WNT9B: variants seen among roughly 807,000 people sequenced by gnomAD.
The protein encoded by WNT9B is protein Wnt-9b.
In WNT9B, 12 loss-of-function variants were observed where a neutral mutation model predicts 30.2. That is an observed-to-expected ratio of 0.40 (90% CI 0.26 to 0.64). WNT9B has a LOEUF of 0.64. WNT9B is among the 30% of genes least tolerant of loss of function. The pLI is 0.42. For missense variants in WNT9B, 442 were observed against 485.2 expected, an observed-to-expected ratio of 0.91 and a Z score of 0.84; for synonymous variants, 218 against 216.9, an observed-to-expected ratio of 1.01 and a Z score of -0.05.
chr17:46,884,054 C>A (rs2085459441), downstream of WNT9B, among the ~76,000 whole-genome samples: 6 of 152,262 alleles, frequency 3.9e-5, no homozygotes, highest in South Asian at 1.0e-3. Context: ...CGGGCAGAGG[C>A]ACGGGAGAAC....
rs116860651 is a variant in WNT9B, at chr17:46,878,667, G to A, written c.*1949G>A. On this transcript the variant is annotated 3_prime_UTR_variant, in exon 4 of 4. Coordinates refer to ENST00000290015, the MANE Select transcript of WNT9B (RefSeq NM_003396.3). Reference sequence around the variant, plus strand: ...AGACCCCAACTCTGCCTCCACCCAGGCTCAGTGCTGGGCGTAAGGCAGCAG... The same window carrying A: ...AGACCCCAACTCTGCCTCCACCCAGACTCAGTGCTGGGCGTAAGGCAGCAG... Among the ~76,000 whole-genome samples, 387 of 152,188 alleles carry A rather than the reference G, an allele frequency of 2.5e-3. No individual in the cohort carries two copies. Among genetic ancestry groups the A allele is most frequent in the Non-Finnish European group, 4.2e-3 (284 of 68,018 alleles).
At chr17:46,884,907 A>G, downstream of WNT9B, 1 of 339,248 alleles carries the variant, frequency 2.9e-6, no homozygotes, top group Middle Eastern at 5.5e-4. Flanking sequence ...TGGTTCAAAT[A>G]TCTCCAGTGA....
At chr17:46,856,520 T>G (rs1198806223) in intron 1 of WNT9B, among the ~76,000 whole-genome samples, 1 of 151,746 alleles carries the variant, frequency 6.6e-6, no homozygotes, top group Non-Finnish European at 1.5e-5. Flanking sequence ...AGTCTCACTA[T>G]GTCGCCCAGG....
In WNT9B at chr17:46,851,724, C is replaced by G; in HGVS notation, c.77+9C>G. 1.6e-6 allele frequency: 2 copies of G among 1,273,578 alleles called. No individual in the cohort carries two copies. Among genetic ancestry groups the G allele is most frequent in the Non-Finnish European group, 2.0e-6 (2 of 1,011,924 alleles). 78.9% of individuals were successfully genotyped at this position (1,273,578 alleles called of 1,614,324 possible). ...GCCGCCTCCTACTTCGGGTCAGTGC[C>G]CGCCGCGCCCCCCGCCCGCTCCCCG... On this transcript the variant is annotated intron_variant, in intron 1 of 3. Coordinates refer to ENST00000290015, the MANE Select transcript of WNT9B (RefSeq NM_003396.3). This position sits in a 1 kb window ranked among gnomAD's most constrained non-coding sequence, Gnocchi z 4.3.
rs1258557774 is a variant in WNT9B, at chr17:46,876,534, C to T, written c.890C>T (p.Ser297Leu). The change falls in exon 4 of 4, where the codon TCA becomes TTA. Residue 297 changes from serine (S) to leucine (L), a missense_variant. Ser to Leu is a moderately radical substitution (Grantham distance 145). Transcript: ENST00000290015. ...SPSFCRPSKY[S>L]PGTAGRVCSR... ...AGCTTCTGCCGGCCCAGCAAGTACTCACCTGGCACAGCAGGTAGGGTGTGC... is the reference window on the plus strand; with the variant it reads ...AGCTTCTGCCGGCCCAGCAAGTACTTACCTGGCACAGCAGGTAGGGTGTGC... The T allele has an allele frequency of 6.2e-7, 1 of 1,613,544 alleles. No individual in the cohort carries two copies. Among genetic ancestry groups the T allele is most frequent in the African/African-American group, 1.3e-5 (1 of 74,944 alleles).
chr17:46,853,363 CTTTT>C (rs35252647), intron 1 of WNT9B, among the ~76,000 whole-genome samples: 3 of 78,904 alleles, frequency 3.8e-5, no homozygotes, highest in Non-Finnish European at 6.7e-5. Flanking sequence ...ATGCTAGTGA[CTTTT>C]TTTTTTTTTT....
At chr17:46,876,219 A>C (rs1285513322) in intron 3 of WNT9B, 26 bp from the exon 4 acceptor site, 2 of 1,572,008 alleles carry the variant, frequency 1.3e-6, no homozygotes, top group African/African-American at 2.7e-5. Context: ...GCCTCTGACC[A>C]CGCCTCTGTT....
intron 1 of WNT9B, among the ~76,000 whole-genome samples, chr17:46,842,491 C>T (rs932829637): frequency 2.6e-5 from 4 of 152,216 alleles, no homozygotes; most frequent in African/African-American, 9.6e-5. Flanking sequence ...CCTCCTGCCT[C>T]AGCCTCCCGA....
chr17:46,848,249 G>C (rs541472310), upstream of WNT9B, among the ~76,000 whole-genome samples: 1 of 152,312 alleles, frequency 6.6e-6, no homozygotes, highest in African/African-American at 2.4e-5. Context: ...CATGGAGCCC[G>C]TGTCCGAGCC....
intron 1 of WNT9B, among the ~76,000 whole-genome samples, chr17:46,871,566 C>T (rs759037350): frequency 6.6e-6 from 1 of 152,164 alleles, no homozygotes; most frequent in Non-Finnish European, 1.5e-5. Context: ...GGAAGGTAGG[C>T]CTGCTTGTCC....
rs564873540 is a variant in WNT9B, at chr17:46,856,035, A to G, written c.77+4320A>G. Among the ~76,000 whole-genome samples, 11 of 152,250 alleles carry G rather than the reference A, an allele frequency of 7.2e-5. No individual in the cohort carries two copies. In the South Asian group the frequency reaches 2.3e-3, roughly 32 times the overall value. On this transcript the variant is annotated intron_variant, in intron 1 of 3. Transcript: ENST00000290015. ...TCCGAGTGGCTTTGTAACTAGAAAT[A>G]GTTTCTGTGGATGCAAGTTTTTAAA...
At chr17:46,886,649 C>T (rs1003287745) in exon 5 of WNT9B, 1 of 152,182 alleles carries the variant, frequency 6.6e-6, no homozygotes, top group Non-Finnish European at 1.5e-5. Context: ...GATCATGTTG[C>T]TGGTTGGAGT....
intron 1 of WNT9B, among the ~76,000 whole-genome samples, chr17:46,863,090 G>T (rs76091224): frequency 6.8e-6 from 1 of 147,584 alleles, no homozygotes; most frequent in Non-Finnish European, 1.5e-5. Context: ...GAGAGCATAC[G>T]CCAGCAATCA....
Position 46,844,622 on chromosome 17 carries a change from C to T in WNT9B, c.95+11182C>T, listed in dbSNP as rs76286101. 5.3e-3 allele frequency among the ~76,000 whole-genome samples: 801 copies of T among 152,264 alleles called. 13 individuals carry two copies. The highest frequency in any genetic ancestry group is 0.018 in the African/African-American group (747 of 41,536). The stretch of plus-strand genomic sequence containing the variant: ...GGCACCTATGAACTTCAAGATGGGA[C>T]CCCTTTCCTCTCGTCCTTCTTTTTA... On this transcript the variant is annotated intron_variant, in intron 1 of 2. Coordinates refer to the WNT9B transcript ENST00000575372.
intron 1 of WNT9B, among the ~76,000 whole-genome samples, chr17:46,842,423 G>A (rs2084726828): frequency 6.6e-6 from 1 of 152,176 alleles, no homozygotes; most frequent in Non-Finnish European, 1.5e-5. Context: ...CGCCCAGGCT[G>A]GAGTGCAGTG....
chr17:46,873,100 A>G (rs1293780560), intron 2 of WNT9B, among the ~76,000 whole-genome samples: 1 of 147,946 alleles, frequency 6.8e-6, no homozygotes, highest in African/African-American at 2.5e-5. Flanking sequence ...ACACACACAC[A>G]CACACACACA....
At chr17:46,845,517 T>C (rs1303924332) in intron 1 of WNT9B, among the ~76,000 whole-genome samples, 2 of 132,636 alleles carry the variant, frequency 1.5e-5, no homozygotes, top group Non-Finnish European at 3.1e-5. Flanking sequence ...TGAGACAGAG[T>C]CTTGCTCTGT....
At chr17:46,836,233 C>CA (rs1026002546) in intron 1 of WNT9B, among the ~76,000 whole-genome samples, 2 of 151,750 alleles carry the variant, frequency 1.3e-5, no homozygotes, top group African/African-American at 4.9e-5. Flanking sequence ...AGGAAGCAGC[C>CA]AAAAGAGTGC....
intron 1 of WNT9B, among the ~76,000 whole-genome samples, chr17:46,844,563 T>C (rs2083797): frequency 0.45 from 68,624 of 151,858 alleles, 18,771 homozygotes; most frequent in East Asian, 0.88. Context: ...GTGGCCGATT[T>C]CTAAAACTAA....
Sources: gnomAD v4.1 joint callset for allele counts (sites outside exome capture counted in the v4.1 genomes callset) on GRCh38, gnomAD v4.1.1 for gene constraint, Gnocchi (gnomAD v3.1) non-coding constraint, MANE v1.5 for transcripts, NCBI Gene and HGNC (gene_info 2026-07-23, HGNC 2026-07-21) for gene names.